Variants in DNAJC3 observed in about 807,000 individuals in gnomAD.
DNAJC3 encodes the protein dnaJ homolog subfamily C member 3.
In DNAJC3, 38 loss-of-function variants were observed where a neutral mutation model predicts 68.6. The ratio of observed to expected loss-of-function variants is 0.55; its 90% CI spans 0.43 to 0.73. The LOEUF (loss-of-function observed/expected upper bound fraction) is 0.73. DNAJC3 is among the 30% of genes least tolerant of loss of function. DNAJC3 has a pLI of 0.00. For missense variants in DNAJC3, 526 were observed against 591.9 expected (o/e 0.89, Z 1.16); for synonymous variants, 203 against 204.0 (o/e 1.00, Z 0.04).
At chr13:95,678,939 T>C (rs1166221884) in intron 1 of DNAJC3, among the ~76,000 whole-genome samples, 1 of 152,202 alleles carries the variant, frequency 6.6e-6, no homozygotes, top group Non-Finnish European at 1.5e-5. Context: ...GTGTCTTCTT[T>C]AGGACCATTG....
intron 4 of DNAJC3, among the ~76,000 whole-genome samples, chr13:95,734,971 C>A (rs550578431): frequency 6.6e-5 from 8 of 121,930 alleles, no homozygotes; most frequent in Admixed American, 5.2e-4. Context: ...CCTCCCCCCT[C>A]CCCCCCACCC....
intron 1 of DNAJC3, chr13:95,693,162 G>C (rs1880327285): frequency 6.6e-6 from 1 of 152,154 alleles, no homozygotes; most frequent in Admixed American, 6.5e-5. Context: ...ATGTGTTCGG[G>C]ATCCATCATC....
intron 4 of DNAJC3, chr13:95,742,559 C>T (rs1882177490): frequency 4.6e-6 from 2 of 436,120 alleles, no homozygotes; most frequent in Non-Finnish European, 8.9e-6. Context: ...TACTTTTTCC[C>T]CACATTCAGA....
chr13:95,766,380 T>A (rs539425725), intron 9 of DNAJC3, among the ~76,000 whole-genome samples: 1 of 152,334 alleles, frequency 6.6e-6, no homozygotes, highest in Admixed American at 6.5e-5. Context: ...TTCAGATCGC[T>A]ACATGTCTCT....
intron 4 of DNAJC3, among the ~76,000 whole-genome samples, chr13:95,754,800 C>T (rs907753711): frequency 1.3e-5 from 2 of 152,182 alleles, no homozygotes; most frequent in Non-Finnish European, 2.9e-5. Context: ...CTGCTTACCA[C>T]AACTGCCAAC....
At chr13:95,740,034 A>G (rs1651238968) in intron 4 of DNAJC3, among the ~76,000 whole-genome samples, 1 of 152,032 alleles carries the variant, frequency 6.6e-6, no homozygotes, top group African/African-American at 2.4e-5. Context: ...TCTAACAGAG[A>G]GGACCCTTAG....
chr13:95,697,526 C>A (rs1355769695), intron 1 of DNAJC3, among the ~76,000 whole-genome samples: 1 of 152,124 alleles, frequency 6.6e-6, no homozygotes, highest in African/African-American at 2.4e-5. Context: ...TCCAGGTGCC[C>A]TGTGAATTTC....
intron 9 of DNAJC3, among the ~76,000 whole-genome samples, chr13:95,785,493 CTG>C (rs1883573269): frequency 8.6e-6 from 1 of 116,794 alleles, no homozygotes; most frequent in Non-Finnish European, 1.6e-5. Context: ...GAATCTCACT[CTG>C]TCACCCAGGC....
At chr13:95,725,737 G>A (rs1279514828) in intron 4 of DNAJC3, among the ~76,000 whole-genome samples, 15 of 148,252 alleles carry the variant, frequency 1.0e-4, no homozygotes, top group African/African-American at 3.2e-4. Context: ...GGTTTGTTAC[G>A]TATGTATACA....
rs770043101 is a variant in DNAJC3 at position 95,787,021 on chromosome 13, A to C, written c.1223A>C (p.Gln408Pro). Residue 408 changes from glutamine (Q) to proline (P), a missense_variant, in exon 11 of 12, where the codon CAA becomes CCA. Physicochemically the swap from Gln to Pro is moderately conservative, Grantham distance 76 (BLOSUM62 -1). Coordinates refer to ENST00000602402, the MANE Select transcript of DNAJC3 (RefSeq NM_006260.5). ...ILGVKRNAKK[Q>P]EIIKAYRKLA... The stretch of plus-strand genomic sequence containing the variant: ...CCACCCCTCAGAAATGCCAAAAAGC[A>C]AGAAATTATTAAAGCATACCGAAAA... The C allele has an allele frequency of 6.2e-7, 1 of 1,608,574 alleles. No individual in the cohort carries two copies. The highest frequency in any genetic ancestry group is 1.1e-5 in the South Asian group (1 of 89,400).
intron 2 of DNAJC3, among the ~76,000 whole-genome samples, chr13:95,710,433 G>A (rs1880919689): frequency 4.6e-5 from 7 of 151,928 alleles, no homozygotes; most frequent in Admixed American, 4.6e-4. Context: ...GTCTCACTAT[G>A]TTGTCCAGGC....
intron 1 of DNAJC3, among the ~76,000 whole-genome samples, chr13:95,698,921 A>G (rs1880519453): frequency 6.6e-6 from 1 of 152,236 alleles, no homozygotes; most frequent in East Asian, 1.9e-4. Flanking sequence ...TTGCTTTTAT[A>G]TCTGAAGGGA....
intron 1 of DNAJC3, among the ~76,000 whole-genome samples, chr13:95,680,367 A>G (rs918276489): frequency 1.3e-5 from 2 of 152,216 alleles, no homozygotes; most frequent in Non-Finnish European, 2.9e-5. Flanking sequence ...ATCTATACGT[A>G]TAAAATATTG....
At chr13:95,708,266 T>A (rs978768197) in intron 1 of DNAJC3, among the ~76,000 whole-genome samples, 1 of 152,200 alleles carries the variant, frequency 6.6e-6, no homozygotes, top group African/African-American at 2.4e-5. Flanking sequence ...ACTCCAGGCC[T>A]TTATTGCAGT....
rs376659811 is a variant in DNAJC3 at position 95,760,020 on chromosome 13, T to C, written c.547-20T>C. ...GCATAATTTATTCTTTCTTAAAGTC[T>C]AGTTCTTTTGTTCCTCAAGGTTTGT... is the stretch of plus-strand genomic sequence containing the variant. On this transcript the variant is annotated intron_variant, in intron 5 of 11. Transcript: ENST00000602402. The C allele has an allele frequency of 6.4e-7, 1 of 1,555,496 alleles. No individual in the cohort carries two copies. The highest frequency in any genetic ancestry group is 8.7e-7 in the Non-Finnish European group (1 of 1,151,806).
At chr13:95,684,674 A>C (rs1206124801) in intron 1 of DNAJC3, among the ~76,000 whole-genome samples, 1 of 152,234 alleles carries the variant, frequency 6.6e-6, no homozygotes, top group Non-Finnish European at 1.5e-5. Context: ...AGCTCCTTCT[A>C]TCATAGGCCC....
At chr13:95,690,876 C>T (rs1259506854) in intron 1 of DNAJC3, among the ~76,000 whole-genome samples, 7 of 130,536 alleles carry the variant, frequency 5.4e-5, no homozygotes, top group African/African-American at 8.7e-5. Context: ...CGGGCAGAGG[C>T]GCCCCTCACT....
At chr13:95,698,790 C>T (rs1484681305) in intron 1 of DNAJC3, among the ~76,000 whole-genome samples, 2 of 152,108 alleles carry the variant, frequency 1.3e-5, no homozygotes, top group Non-Finnish European at 2.9e-5. Context: ...CATGAGAACA[C>T]GGTCTATTCA....
At chr13:95,708,098 G>A (rs1027634559) in intron 1 of DNAJC3, among the ~76,000 whole-genome samples, 2 of 152,120 alleles carry the variant, frequency 1.3e-5, no homozygotes, top group Admixed American at 1.3e-4. Context: ...ATACCATGCA[G>A]CAGGAAGTCC....
Sources: gnomAD v4.1 joint callset for allele counts (sites outside exome capture counted in the v4.1 genomes callset) on GRCh38, gnomAD v4.1.1 for gene constraint, MANE v1.5 for transcripts, NCBI Gene and HGNC (gene_info 2026-07-23, HGNC 2026-07-21) for gene names.